The following ARMC9 variants were observed in gnomAD, a reference collection of about 807,000 sequenced individuals.
ARMC9 encodes armadillo repeat containing 9.
ARMC9 carries 94 observed loss-of-function variants against 107.0 expected under a neutral mutation model. That is an observed-to-expected ratio of 0.88 (90% CI 0.74 to 1.04). The LOEUF (loss-of-function observed/expected upper bound fraction) is 1.04. Ranked by LOEUF, ARMC9 falls within the 50% of genes least tolerant of loss-of-function variation. The pLI is 0.00. For missense variants in ARMC9, 942 were observed against 1,030.1 expected, an observed-to-expected ratio of 0.91 and a Z score of 1.17; for synonymous variants, 380 against 396.9, an observed-to-expected ratio of 0.96 and a Z score of 0.51.
chr2:231,304,563 T>G (rs2041941747), intron 19 of ARMC9, among the ~76,000 whole-genome samples: 1 of 152,142 alleles, frequency 6.6e-6, no homozygotes, highest in Admixed American at 6.5e-5. Flanking sequence ...GCCTGGCTAA[T>G]TTTTTGTATT....
intron 19 of ARMC9, among the ~76,000 whole-genome samples, chr2:231,310,645 C>T (rs1261933996): frequency 2.0e-5 from 3 of 149,512 alleles, no homozygotes; most frequent in Admixed American, 6.7e-5. Context: ...GCAGGAGAAT[C>T]GCTTGAACCC....
intron 1 of ARMC9, among the ~76,000 whole-genome samples, chr2:231,205,931 C>T (rs575973174): frequency 3.3e-5 from 5 of 152,336 alleles, no homozygotes; most frequent in African/African-American, 1.2e-4. Context: ...CTCTTGCCTC[C>T]GTCTGCCCCC....
intron 20 of ARMC9, among the ~76,000 whole-genome samples, chr2:231,342,692 G>T (rs1301441818): frequency 6.6e-6 from 1 of 152,184 alleles, no homozygotes; most frequent in African/African-American, 2.4e-5. Flanking sequence ...AGTTACAGTG[G>T]AAGCAGACAG....
In ARMC9 at chr2:231,259,045, G is replaced by A. The variant is rs146386454; in HGVS notation, c.969G>A (p.Lys323=). Residue 323 remains lysine (K), a synonymous_variant, in exon 11 of 25, where the codon AAG becomes AAA. Coordinates refer to ENST00000611582, the MANE Select transcript of ARMC9 (RefSeq NM_001352754.2). The part of the protein sequence containing the change: ...LPSLDYEKLK[K]DLILGSDRLK... ...CCTTGGATTATGAGAAACTGAAGAA[G>A]GATTTGATTTTGGGGAGTGACCGCT... 6 of 1,614,026 alleles carry A rather than the reference G, an allele frequency of 3.7e-6. No individual in the cohort carries two copies. The highest frequency in any genetic ancestry group is 5.1e-6 in the Non-Finnish European group (6 of 1,180,022).
chr2:231,346,022 A>G lies in ARMC9; in HGVS notation c.1994+932A>G, dbSNP rs571880503. ...AGCTCCTTGATGAGTTCTGTTGCCC[A>G]TCTGGGATTTGTCCTATAAATGTTT... On this transcript the variant is annotated intron_variant, in intron 21 of 24. Transcript: ENST00000611582. 2.6e-5 allele frequency among the ~76,000 whole-genome samples: 4 copies of G among 152,320 alleles called. No individual in the cohort carries two copies. In the East Asian group the frequency reaches 7.7e-4, roughly 29 times the overall value.
At position 231,355,827 on chromosome 2, in the gene ARMC9, C is replaced by T; in HGVS notation, c.2024C>T (p.Thr675Ile). The change falls in exon 22 of 25, where the codon ACA becomes ATA. Residue 675 changes from threonine (T) to isoleucine (I), a missense_variant. Thr to Ile is a moderately conservative substitution (Grantham distance 89, BLOSUM62 -1). Transcript: ENST00000611582. ...VVEDQHTPPQTAQHARNGHPQ... is the reference protein window; with the variant it reads ...VVEDQHTPPQIAQHARNGHPQ... ...GAAGACCAACACACACCTCCCCAGA[C>T]AGCCCAGCACGCCAGAAACGGCCAC... 6.5e-7 allele frequency: 1 copy of T among 1,536,054 alleles called. No homozygotes were observed. The highest frequency in any genetic ancestry group is 8.7e-7 in the Non-Finnish European group (1 of 1,146,860).
rs1553610727 is a variant in ARMC9 at position 231,270,964 on chromosome 2, C to G, written c.1120-18C>G. ...CCGTGTTCTTAACCTTGTTTTTCCT[C>G]TTGACGTTTTCCCCCAGAGGAGTGT... is the stretch of plus-strand genomic sequence containing the variant. On this transcript the variant is annotated intron_variant, in intron 12 of 24. Coordinates refer to ENST00000611582, the MANE Select transcript of ARMC9 (RefSeq NM_001352754.2). 1 of 1,612,964 alleles carries G rather than the reference C, an allele frequency of 6.2e-7. No individual in the cohort carries two copies. The highest frequency in any genetic ancestry group is 1.1e-5 in the South Asian group (1 of 91,028).
At chr2:231,322,407 T>C (rs2043048518) in intron 19 of ARMC9, among the ~76,000 whole-genome samples, 1 of 152,252 alleles carries the variant, frequency 6.6e-6, no homozygotes, top group South Asian at 2.1e-4. Flanking sequence ...AAACTACTTA[T>C]AGAAGTCTTA....
At chr2:231,278,322 C>G (rs2039933563) in intron 15 of ARMC9, 60 bp from the exon 16 acceptor site, 1 of 1,545,322 alleles carries the variant, frequency 6.5e-7, no homozygotes, top group Non-Finnish European at 8.9e-7. Flanking sequence ...GTCTACCTGA[C>G]CTAAAATTGT....
At chr2:231,284,086 T>C (rs2040412910) in intron 17 of ARMC9, among the ~76,000 whole-genome samples, 1 of 152,206 alleles carries the variant, frequency 6.6e-6, no homozygotes, top group Non-Finnish European at 1.5e-5. Context: ...AGACTGCATA[T>C]GTGATAATGG....
chr2:231,301,897 T>G (rs1454881648), intron 19 of ARMC9, among the ~76,000 whole-genome samples: 1 of 152,068 alleles, frequency 6.6e-6, no homozygotes, highest in African/African-American at 2.4e-5. Context: ...AAGAATCATT[T>G]GAACCCGGGA....
intron 12 of ARMC9, among the ~76,000 whole-genome samples, chr2:231,263,510 T>C (rs550690516): frequency 2.0e-5 from 3 of 152,206 alleles, no homozygotes; most frequent in Non-Finnish European, 4.4e-5. Flanking sequence ...ACTCCGGCAA[T>C]AATGGCATTA....
At chr2:231,237,775 A>ATTTTTTTTTTTTTTTTTT (rs2035880691) in intron 8 of ARMC9, among the ~76,000 whole-genome samples, 1 of 40,790 alleles carries the variant, frequency 2.5e-5, no homozygotes, top group Non-Finnish European at 4.8e-5. Flanking sequence ...ATATATATAT[A>ATTTTTTTTTTTTTTTTTT]TATATATTTT....
intron 19 of ARMC9, among the ~76,000 whole-genome samples, chr2:231,324,558 C>T (rs1232029201): frequency 6.6e-6 from 1 of 150,998 alleles, no homozygotes; most frequent in African/African-American, 2.4e-5. Context: ...TCGAGACCAG[C>T]CTGACCAACA....
rs200364288 is a variant in ARMC9 at position 231,208,185 on chromosome 2, T to C, written c.110T>C (p.Ile37Thr). 2.9e-5 allele frequency: 47 copies of C among 1,609,394 alleles called. No individual in the cohort carries two copies. The highest frequency in any genetic ancestry group is 3.9e-5 in the Non-Finnish European group (46 of 1,177,912). ...AAAACATTTTCAAAAGAATGCAAAA[T>C]AAAAGGAAAACCATTGTGTAAAACA... is the stretch of plus-strand genomic sequence containing the variant. ...TLKTFSKECK[I>T]KGKPLCKTVG... The change falls in exon 3 of 25, where the codon ATA becomes ACA. Residue 37 changes from isoleucine to threonine, a missense_variant. Coordinates refer to ENST00000611582, the MANE Select transcript of ARMC9 (RefSeq NM_001352754.2).
At chr2:231,339,100 C>T (rs1020162162) in intron 20 of ARMC9, among the ~76,000 whole-genome samples, 11 of 151,964 alleles carry the variant, frequency 7.2e-5, no homozygotes, top group Non-Finnish European at 1.6e-4. Flanking sequence ...GAGGCCAAGG[C>T]GGGCAGATCA....
At chr2:231,287,698 A>G (rs1444564288) in intron 17 of ARMC9, among the ~76,000 whole-genome samples, 1 of 152,200 alleles carries the variant, frequency 6.6e-6, no homozygotes, top group Non-Finnish European at 1.5e-5. Flanking sequence ...TCATGTAATC[A>G]TGTCATGTAA....
rs576134502 is a variant in ARMC9 at position 231,325,678 on chromosome 2, C to T, written c.1774-6115C>T. ...TTTTCCTAAAATTCATCATAAAATGCACACACACCCTTTGATCACTGAGAT... is the reference window on the plus strand; with the variant it reads ...TTTTCCTAAAATTCATCATAAAATGTACACACACCCTTTGATCACTGAGAT... On this transcript the variant is annotated intron_variant, in intron 19 of 24. Coordinates refer to ENST00000611582, the MANE Select transcript of ARMC9 (RefSeq NM_001352754.2). Among the ~76,000 whole-genome samples the T allele has an allele frequency of 5.3e-5, 8 of 152,300 alleles. No individual in the cohort carries two copies. The East Asian group carries it at 1.5e-3, about 29-fold the overall frequency.
At position 231,272,935 on chromosome 2, in the gene ARMC9, C is replaced by T. The variant is rs776311851; in HGVS notation, c.1211-20C>T. 2.5e-6 allele frequency: 4 copies of T among 1,604,114 alleles called. No homozygotes were observed. The highest frequency in any genetic ancestry group is 3.4e-6 in the Non-Finnish European group (4 of 1,177,084). ...AATTATTTCTGTCTTTCACCTGTTT[C>T]ATCTCTGGTGTATTATCAGGTCGCC... On this transcript the variant is annotated intron_variant, in intron 13 of 24. Transcript: ENST00000611582.
Sources: allele counts gnomAD v4.1 joint callset (sites outside exome capture counted in the v4.1 genomes callset), GRCh38; gene constraint gnomAD v4.1.1; transcripts MANE v1.5; gene names NCBI Gene and HGNC (gene_info 2026-07-23, HGNC 2026-07-21).